DZANK1: variants seen among roughly 807,000 people sequenced by gnomAD.
The protein encoded by DZANK1 is double zinc ribbon and ankyrin repeat domains 1.
Under a neutral mutation model 94.5 loss-of-function variants are expected in DZANK1, and 91 were observed. The ratio of observed to expected loss-of-function variants is 0.96; its 90% CI spans 0.81 to 1.15. The LOEUF (loss-of-function observed/expected upper bound fraction) is 1.15, where lower values mean the gene tolerates loss of function less well. DZANK1 is among the 50% of genes most tolerant of loss of function. The pLI, the probability that DZANK1 is intolerant of heterozygous loss-of-function variation, is 0.00. For synonymous variants in DZANK1, 312 were observed against 325.3 expected, an observed-to-expected ratio of 0.96 and a Z score of 0.44; for missense variants, 903 against 916.4, an observed-to-expected ratio of 0.99 and a Z score of 0.19.
At position 18,448,799 on chromosome 20, in the gene DZANK1, G is replaced by A. The variant is rs183903100; in HGVS notation, c.629+185C>T. 5.5e-3 allele frequency among the ~76,000 whole-genome samples: 826 copies of A among 151,396 alleles called. 8 individuals carry two copies. The highest frequency in any genetic ancestry group is 0.017 in the African/African-American group (706 of 41,174). ...GGAGAATCGCTTGAACCCAGGAGGC[G>A]GAGGTTGCAGTGAGCCAAAACTGCA... is the stretch of plus-strand genomic sequence containing the variant. On this transcript the variant is annotated intron_variant, in intron 7 of 20. Transcript: ENST00000262547.
intron 13 of DZANK1, among the ~76,000 whole-genome samples, chr20:18,405,672 G>A (rs2056924644): frequency 6.6e-6 from 1 of 152,222 alleles, no homozygotes; most frequent in Admixed American, 6.5e-5. Context: ...CTCCCTGCTG[G>A]AACACCAAAT....
At chr20:18,393,443 C>T (rs1055062400) in intron 17 of DZANK1, among the ~76,000 whole-genome samples, 1 of 152,114 alleles carries the variant, frequency 6.6e-6, no homozygotes, top group African/African-American at 2.4e-5. Context: ...ATATTTGAGG[C>T]AAACCAAAGT....
chr20:18,452,315 TG>T (rs2059131276), intron 6 of DZANK1, among the ~76,000 whole-genome samples: 1 of 152,190 alleles, frequency 6.6e-6, no homozygotes, highest in African/African-American at 2.4e-5. Flanking sequence ...GCTGCAGGTC[TG>T]GGGATCGCCT....
In DZANK1 at chr20:18,437,587, A is replaced by G. The variant is rs116483054; in HGVS notation, c.748-3822T>C. ...GACAGAGGGAGACTCTGTCTCAAAG[A>G]AAAGAAAAAAAAGAAAAGAAAAGAA... On this transcript the variant is annotated intron_variant, in intron 8 of 20. Coordinates refer to ENST00000262547, the Ensembl canonical transcript of DZANK1. Among the ~76,000 whole-genome samples, 845 of 152,124 alleles carry G rather than the reference A, an allele frequency of 5.6e-3. 5 individuals carry two copies. The highest frequency in any genetic ancestry group is 0.015 in the African/African-American group (634 of 41,504).
At chr20:18,398,709 T>TA in intron 13 of DZANK1, 83 bp from the exon 14 acceptor site, 2 of 1,331,112 alleles carry the variant, frequency 1.5e-6, no homozygotes, top group Non-Finnish European at 2.1e-6. Context: ...CATATGTTCT[T>TA]AGAGAGGTTA....
At chr20:18,455,539 A>T (rs1322113099) in intron 3 of DZANK1, among the ~76,000 whole-genome samples, 178 bp from the exon 4 acceptor site, 1 of 152,192 alleles carries the variant, frequency 6.6e-6, no homozygotes, top group Non-Finnish European at 1.5e-5. Flanking sequence ...CTTTTGGGCT[A>T]TTTACTGCTA....
intron 3 of DZANK1, 28 bp downstream of exon 3, chr20:18,460,125 T>TA (rs1455406311): frequency 7.2e-7 from 1 of 1,384,848 alleles, no homozygotes; most frequent in Admixed American, 2.2e-5. Context: ...TATCATAAAT[T>TA]AAATTAATCA....
chr20:18,427,795 T>A (rs969227274), intron 9 of DZANK1, among the ~76,000 whole-genome samples: 19 of 152,144 alleles, frequency 1.2e-4, no homozygotes, highest in Non-Finnish European at 2.5e-4. Context: ...ATGTTAAATA[T>A]GAATTTAGGT....
In DZANK1 at chr20:18,394,386, G is replaced by A. The variant is rs755184155; in HGVS notation, c.1612-36C>T. 5 of 1,589,410 alleles carry A rather than the reference G, an allele frequency of 3.1e-6. No individual in the cohort carries two copies. The South Asian group carries it at 3.4e-5, about 11-fold the overall frequency. On this transcript the variant is annotated intron_variant, in intron 15 of 20. Coordinates refer to ENST00000262547, the Ensembl canonical transcript of DZANK1. ...AAAACATTTAAACACCATGAATGAT[G>A]AGGCTGCTTTGTCCCACTAGAAAGA...
intron 3 of DZANK1, among the ~76,000 whole-genome samples, chr20:18,457,490 A>G (rs539983023): frequency 6.6e-6 from 1 of 151,152 alleles, no homozygotes; most frequent in Admixed American, 6.6e-5. Context: ...AAACAAATGA[A>G]CAAACAAACA....
At chr20:18,385,124 T>C in intron 19 of DZANK1, 34 bp from the exon 20 acceptor site, 2 of 1,546,958 alleles carry the variant, frequency 1.3e-6, no homozygotes, top group Non-Finnish European at 8.7e-7. Context: ...GATAAATCCT[T>C]AGTTAGCATC....
exon 21 of DZANK1, chr20:18,384,483 G>A (rs777051350): frequency 1.1e-5 from 17 of 1,612,006 alleles, no homozygotes; most frequent in Non-Finnish European, 1.4e-5. Context: ...AGAGTGAGGT[G>A]ACAAGGTCAT....
intron 8 of DZANK1, among the ~76,000 whole-genome samples, chr20:18,438,238 AAG>A (rs1555877396): frequency 1.4e-4 from 19 of 135,946 alleles, no homozygotes; most frequent in Non-Finnish European, 2.8e-4. Flanking sequence ...AAAAAAAAAA[AAG>A]AAATAACACA....
chr20:18,394,915 A>G, intron 15 of DZANK1: 1 of 456,558 alleles, frequency 2.2e-6, no homozygotes, highest in South Asian at 1.5e-5. Context: ...AGCAAAATGC[A>G]GTAAAATGGG....
intron 8 of DZANK1, among the ~76,000 whole-genome samples, chr20:18,437,570 G>A (rs753031490): frequency 6.6e-6 from 1 of 151,884 alleles, no homozygotes; most frequent in Non-Finnish European, 1.5e-5. Context: ...ATGACAGAGG[G>A]AGACTCTGTC....
chr20:18,466,279 T>C (rs917700744), intron 1 of DZANK1, among the ~76,000 whole-genome samples: 1 of 152,276 alleles, frequency 6.6e-6, no homozygotes, highest in African/African-American at 2.4e-5. Flanking sequence ...TAGTTTTCCC[T>C]GTACTTATTT....
chr20:18,451,879 GTT>G (rs761059771), intron 6 of DZANK1: 1 of 518,644 alleles, frequency 1.9e-6, no homozygotes, highest in South Asian at 1.4e-5. Context: ...CCTAAATAAT[GTT>G]CTCCCTTTCC....
intron 9 of DZANK1, chr20:18,432,592 T>C (rs1452936355): frequency 6.6e-6 from 1 of 152,196 alleles, no homozygotes; most frequent in African/African-American, 2.4e-5. Context: ...AGCTTGAAGG[T>C]GAAAGAAAAA....
rs200295401 is a variant in DZANK1 at position 18,465,151 on chromosome 20, AAG to A, written c.109+97_109+98del. 1.5e-3 allele frequency: 1,166 copies of A among 778,892 alleles called. 21 individuals are homozygous for A. In the Admixed American group the frequency reaches 0.025, roughly 17 times the overall value. 48.2% of individuals were successfully genotyped at this position (778,892 alleles called of 1,614,324 possible). A position where few individuals can be genotyped will look rare whatever the true frequency, so the allele number is the denominator to read the frequency against. ...TACAAATTTCCCAAAAAGCTGAGCA[AAG>A]AGTGAGAAAGCAGGCAAAGAGATAA... On this transcript the variant is annotated intron_variant, in intron 2 of 20. Coordinates refer to ENST00000262547, the Ensembl canonical transcript of DZANK1.
Sources: gnomAD v4.1 joint callset for allele counts (sites outside exome capture counted in the v4.1 genomes callset) on GRCh38, gnomAD v4.1.1 for gene constraint, MANE v1.5 for transcripts, NCBI Gene and HGNC (gene_info 2026-07-23, HGNC 2026-07-21) for gene names.